Variants in XKR4 observed in about 807,000 individuals in gnomAD.
XKR4 encodes XK related 4.
In XKR4, 12 loss-of-function variants were observed where a neutral mutation model predicts 53.9. That is an observed-to-expected ratio of 0.22 (90% CI 0.14 to 0.36). The LOEUF (loss-of-function observed/expected upper bound fraction) is 0.36. XKR4 is among the 10% of genes least tolerant of loss of function. The probability of loss-of-function intolerance (pLI) is 1.00; values close to 1 mark genes in which losing one functional copy is unlikely to be tolerated. For synonymous variants in XKR4, 354 were observed against 362.4 expected, an observed-to-expected ratio of 0.98 and a Z score of 0.26; for missense variants, 799 against 859.5, an observed-to-expected ratio of 0.93 and a Z score of 0.88.
At chr8:55,391,671 G>A (rs1447222037) in intron 2 of XKR4, among the ~76,000 whole-genome samples, 1 of 152,000 alleles carries the variant, frequency 6.6e-6, no homozygotes, top group Non-Finnish European at 1.5e-5. Flanking sequence ...AATATACTTT[G>A]TTATATAAAT....
intron 2 of XKR4, among the ~76,000 whole-genome samples, chr8:55,511,998 A>C (rs972984548): frequency 2.0e-5 from 3 of 152,094 alleles, no homozygotes; most frequent in Non-Finnish European, 2.9e-5. Flanking sequence ...ATTCAGAATG[A>C]CCAATTATAT....
chr8:55,241,243 G>A (rs899012151), intron 1 of XKR4, among the ~76,000 whole-genome samples: 1 of 152,106 alleles, frequency 6.6e-6, no homozygotes, highest in Non-Finnish European at 1.5e-5. Flanking sequence ...AATTTATTGA[G>A]CAACTTGTAT....
intron 2 of XKR4, among the ~76,000 whole-genome samples, chr8:55,472,738 T>A (rs1291425571): frequency 3.9e-5 from 6 of 152,074 alleles, no homozygotes; most frequent in Admixed American, 1.3e-4. Context: ...TTATTCAAAG[T>A]CATTTCTATT....
At chr8:55,460,651 C>T (rs2658896) in intron 2 of XKR4, among the ~76,000 whole-genome samples, 23 of 152,246 alleles carry the variant, frequency 1.5e-4, no homozygotes, top group Middle Eastern at 3.4e-3. Flanking sequence ...GTGGGCGCAG[C>T]GCACCAAGCA....
At chr8:55,316,070 T>C (rs1349919053) in intron 1 of XKR4, among the ~76,000 whole-genome samples, 1 of 152,194 alleles carries the variant, frequency 6.6e-6, no homozygotes, top group East Asian at 1.9e-4. Context: ...GAATTCAAAA[T>C]TCAAATGAAT....
intron 1 of XKR4, among the ~76,000 whole-genome samples, chr8:55,109,439 A>G (rs1043873375): frequency 6.6e-6 from 1 of 152,172 alleles, no homozygotes; most frequent in Non-Finnish European, 1.5e-5. Context: ...TAGACTCAGT[A>G]TCTTCCCTGG....
intron 1 of XKR4, among the ~76,000 whole-genome samples, chr8:55,149,073 A>G (rs113365577): frequency 6.6e-6 from 1 of 152,038 alleles, no homozygotes; most frequent in South Asian, 2.1e-4. Flanking sequence ...GTGTAGCCCT[A>G]TTTAATCTTT....
intron 1 of XKR4, among the ~76,000 whole-genome samples, chr8:55,210,812 TA>T (rs1817720729): frequency 6.6e-6 from 1 of 152,230 alleles, no homozygotes. Flanking sequence ...GAGGCTTTTA[TA>T]AGAAATTGAC....
chr8:55,140,460 G>A (rs1442974220), intron 1 of XKR4, among the ~76,000 whole-genome samples: 1 of 152,218 alleles, frequency 6.6e-6, no homozygotes, highest in Non-Finnish European at 1.5e-5. Flanking sequence ...CTCAGTGCCT[G>A]CAGATCTCAG....
chr8:55,466,237 C>T (rs1805765986), intron 2 of XKR4, among the ~76,000 whole-genome samples: 1 of 152,070 alleles, frequency 6.6e-6, no homozygotes, highest in South Asian at 2.1e-4. Flanking sequence ...TGAACCAACC[C>T]AAATGTCCAT....
intron 2 of XKR4, among the ~76,000 whole-genome samples, chr8:55,394,470 ATT>A (rs1246420949): frequency 6.6e-6 from 1 of 152,232 alleles, no homozygotes; most frequent in Admixed American, 6.5e-5. Flanking sequence ...ATGAAAATAC[ATT>A]TGTTTTATTA....
intron 2 of XKR4, among the ~76,000 whole-genome samples, chr8:55,477,088 C>T (rs1221633919): frequency 7.8e-6 from 1 of 129,006 alleles, no homozygotes; most frequent in Non-Finnish European, 1.6e-5. Flanking sequence ...AATGGGCAGA[C>T]TTCCTCCTCA....
chr8:55,289,663 GAAAA>G (rs1818967373), intron 1 of XKR4, among the ~76,000 whole-genome samples: 1 of 58,388 alleles, frequency 1.7e-5, no homozygotes, highest in African/African-American at 6.3e-5. Context: ...GGAAGGAAAA[GAAAA>G]GAAAAGAAAG....
chr8:55,132,124 T>G (rs1352943864), intron 1 of XKR4, among the ~76,000 whole-genome samples: 2 of 152,188 alleles, frequency 1.3e-5, no homozygotes, highest in Non-Finnish European at 2.9e-5. Context: ...CTGACAACAA[T>G]GGGTTCAATT....
intron 2 of XKR4, among the ~76,000 whole-genome samples, chr8:55,420,258 A>G (rs1376484243): frequency 2.0e-5 from 3 of 152,214 alleles, no homozygotes; most frequent in African/African-American, 2.4e-5. Context: ...ACAAAAACAA[A>G]TATCCAGAAA....
At chr8:55,159,414 C>T (rs1816953829) in intron 1 of XKR4, among the ~76,000 whole-genome samples, 1 of 152,138 alleles carries the variant, frequency 6.6e-6, no homozygotes, top group Admixed American at 6.5e-5. Flanking sequence ...CAAGTATACA[C>T]ACACACATTT....
chr8:55,137,821 C>T (rs1348641299), intron 1 of XKR4, among the ~76,000 whole-genome samples: 3 of 152,128 alleles, frequency 2.0e-5, no homozygotes, highest in Admixed American at 2.0e-4. Flanking sequence ...ATCCTCCCAC[C>T]TTGGCCTTCC....
chr8:55,507,798 G>T (rs182512061), intron 2 of XKR4, among the ~76,000 whole-genome samples: 1 of 152,074 alleles, frequency 6.6e-6, no homozygotes, highest in Admixed American at 6.5e-5. Flanking sequence ...GAATAATGCC[G>T]CAATAAACAT....
intron 1 of XKR4, among the ~76,000 whole-genome samples, chr8:55,118,206 A>G (rs1439813494): frequency 1.3e-5 from 2 of 152,240 alleles, no homozygotes; most frequent in Non-Finnish European, 2.9e-5. Flanking sequence ...TGTCAAATTC[A>G]TTTGATACCT....
Sources: gnomAD v4.1 joint callset for allele counts (sites outside exome capture counted in the v4.1 genomes callset) on GRCh38, gnomAD v4.1.1 for gene constraint, MANE v1.5 for transcripts, NCBI Gene and HGNC (gene_info 2026-07-23, HGNC 2026-07-21) for gene names.